Variants in SIRPA observed in about 807,000 individuals in gnomAD.
SIRPA encodes tyrosine-protein phosphatase non-receptor type substrate 1.
Under a neutral mutation model 50.3 loss-of-function variants are expected in SIRPA, and 9 were observed. The ratio of observed to expected loss-of-function variants is 0.18; its 90% CI spans 0.11 to 0.31. The LOEUF is 0.31. Among genes scored for constraint, SIRPA ranks in the 10% least tolerant of loss-of-function variants. The pLI is 1.00. For missense variants in SIRPA, 474 were observed against 661.6 expected, an observed-to-expected ratio of 0.72 and a Z score of 3.11; for synonymous variants, 265 against 284.1, an observed-to-expected ratio of 0.93 and a Z score of 0.68.
chr20:1,914,822 G>GAA (rs200142591), intron 1 of SIRPA, among the ~76,000 whole-genome samples: 61,767 of 151,498 alleles, frequency 0.41, 12,876 homozygotes, highest in East Asian at 0.66. Context: ...ATTAGAATTA[G>GAA]CCCAGCTCAG....
Position 1,937,499 on chromosome 20 carries a change from C to T in SIRPA, c.1446C>T (p.Pro482=). The T allele has an allele frequency of 6.2e-7, 1 of 1,614,122 alleles. No individual in the cohort carries two copies. Among genetic ancestry groups the T allele is most frequent in the Non-Finnish European group, 8.5e-7 (1 of 1,180,024 alleles). ...DLDMVHLNRT[P]KQPAPKPEPS... is the part of the protein sequence containing the mutation. ...ACATGGTCCACCTCAACCGGACCCC[C>T]AAGCAGCCGGCCCCCAAGCCTGAGC... The change falls in exon 8 of 8, where the codon CCC becomes CCT. Residue 482 remains proline (P), a synonymous_variant. Transcript: ENST00000358771. This position sits in a 1 kb window ranked among gnomAD's most constrained non-coding sequence, Gnocchi z 8.3.
chr20:1,921,907 A>G (rs1985684018), intron 3 of SIRPA, among the ~76,000 whole-genome samples, 195 bp downstream of exon 3: 1 of 152,026 alleles, frequency 6.6e-6, no homozygotes, highest in Non-Finnish European at 1.5e-5. Flanking sequence ...GGGTGACCAC[A>G]CCACCCACCA....
At chr20:1,930,012 T>C (rs978451409) in intron 6 of SIRPA, among the ~76,000 whole-genome samples, 1 of 151,656 alleles carries the variant, frequency 6.6e-6, no homozygotes. Context: ...CAGTCTGCCC[T>C]CCTCCCCCTT....
In SIRPA at chr20:1,936,708, C is replaced by T. The variant is rs1368304928; in HGVS notation, c.1267-612C>T. Among the ~76,000 whole-genome samples, 1 of 152,150 alleles carries T rather than the reference C, an allele frequency of 6.6e-6. No individual in the cohort carries two copies. The highest frequency in any genetic ancestry group is 1.5e-5 in the Non-Finnish European group (1 of 68,024). On this transcript the variant is annotated intron_variant, in intron 7 of 7. Coordinates refer to ENST00000358771, the MANE Select transcript of SIRPA (RefSeq NM_001040023.2). This position sits in a 1 kb window ranked among gnomAD's most constrained non-coding sequence, Gnocchi z 4.2. ...CTTGGTTTCTGAATCATAACAAATGCCCAGTGAATATTTGTGGAATAAACG... is the reference window on the plus strand; with the variant it reads ...CTTGGTTTCTGAATCATAACAAATGTCCAGTGAATATTTGTGGAATAAACG...
intron 1 of SIRPA, among the ~76,000 whole-genome samples, chr20:1,906,378 G>A (rs942242254): frequency 2.6e-5 from 4 of 152,198 alleles, no homozygotes; most frequent in Admixed American, 2.0e-4. Flanking sequence ...AAGGAAATGC[G>A]TAGCTTTTTG....
chr20:1,907,337 C>A (rs1230003524), intron 1 of SIRPA, among the ~76,000 whole-genome samples: 1 of 152,216 alleles, frequency 6.6e-6, no homozygotes, highest in Non-Finnish European at 1.5e-5. Flanking sequence ...CCAGTGGTGC[C>A]GGCAGAATGT....
At chr20:1,895,265 G>C (rs1983711346), upstream of SIRPA, 1 of 429,296 alleles carries the variant, frequency 2.3e-6, no homozygotes, top group African/African-American at 2.1e-5. Context: ...GGGGCGGGGA[G>C]GGGGGGTCTC....
intron 1 of SIRPA, among the ~76,000 whole-genome samples, chr20:1,911,772 C>T (rs750282328): frequency 3.9e-5 from 6 of 152,112 alleles, no homozygotes; most frequent in African/African-American, 7.2e-5. Flanking sequence ...GCCCAGCCGC[C>T]CTCCTCTCCC....
rs1986064059 is a variant in SIRPA, at chr20:1,927,718, C to T, written c.1202-157C>T. Among the ~76,000 whole-genome samples, 3 of 152,178 alleles carry T rather than the reference C, an allele frequency of 2.0e-5. No homozygotes were observed. Among genetic ancestry groups the T allele is most frequent in the Admixed American group, 1.3e-4 (2 of 15,272 alleles). ...AGGCTTCCTTGGTGGAAGAGGATGC[C>T]CACTGGGTGGGCATGGGGGTCTCCT... On this transcript the variant is annotated intron_variant, in intron 5 of 7. Transcript: ENST00000358771. The surrounding 1 kb of genome is among the most constrained non-coding windows in gnomAD (Gnocchi z 6.5).
chr20:1,902,026 C>T (rs1471928138), intron 1 of SIRPA, among the ~76,000 whole-genome samples: 2 of 152,206 alleles, frequency 1.3e-5, no homozygotes, highest in African/African-American at 4.8e-5. Context: ...TCGGCACAGG[C>T]TGAGCCTTGA....
chr20:1,894,453 G>GGACCCGGCCTCTGGGCA (rs1983633861), upstream of SIRPA: 1 of 152,198 alleles, frequency 6.6e-6, no homozygotes, highest in East Asian at 1.9e-4. This position sits in a 1 kb window ranked among gnomAD's most constrained non-coding sequence, Gnocchi z 4.0. Flanking sequence ...AGTGGAGCGG[G>GGACCCGGCCTCTGGGCA]GACCCGGCCT....
Position 1,906,778 on chromosome 20 carries a change from C to T in SIRPA, c.80-8321C>T, listed in dbSNP as rs553187600. On this transcript the variant is annotated intron_variant, in intron 1 of 7. Transcript: ENST00000358771. ...AGAGGTGAGGCAGAGGCAGGGAGGTCAGCGTGGAGGTTCAGTCAGGGTGGT... is the reference window on the plus strand; with the variant it reads ...AGAGGTGAGGCAGAGGCAGGGAGGTTAGCGTGGAGGTTCAGTCAGGGTGGT... 3.9e-5 allele frequency among the ~76,000 whole-genome samples: 6 copies of T among 152,160 alleles called. No individual in the cohort carries two copies. In the East Asian group the frequency reaches 9.7e-4, roughly 25 times the overall value.
Position 1,921,611 on chromosome 20 carries a change from C to A in SIRPA, c.653C>A (p.Thr218Asn). 6.2e-7 allele frequency: 1 copy of A among 1,614,196 alleles called. No individual in the cohort carries two copies. Among genetic ancestry groups the A allele is most frequent in the Non-Finnish European group, 8.5e-7 (1 of 1,180,044 alleles). Residue 218 changes from threonine (T) to asparagine (N), a missense_variant, in exon 3 of 8, where the codon ACC (threonine) becomes AAC (asparagine). By Grantham distance (65) the Thr-to-Asn change is moderately conservative (BLOSUM62 0). Transcript: ENST00000358771. ...CACAGCACAGCCAAGGTGGTGCTGA[C>A]CCGCGAGGACGTTCACTCTCAAGTC... is the stretch of plus-strand genomic sequence containing the variant. ...SIHSTAKVVL[T>N]REDVHSQVIC... is the part of the protein sequence containing the mutation.
rs769348965 is a variant in SIRPA, at chr20:1,927,945, T to C, written c.1226+46T>C. The C allele has an allele frequency of 6.5e-7, 1 of 1,535,088 alleles. No individual in the cohort carries two copies. The highest frequency in any genetic ancestry group is 9.0e-7 in the Non-Finnish European group (1 of 1,107,902). On this transcript the variant is annotated intron_variant, in intron 6 of 7. Coordinates refer to ENST00000358771, the MANE Select transcript of SIRPA (RefSeq NM_001040023.2). This position sits in a 1 kb window ranked among gnomAD's most constrained non-coding sequence, Gnocchi z 6.5. ...GACCCTCTTGCAGTTATTATTTGGT[T>C]ATTTGACAGCCCCCCAGACTACAAA...
At chr20:1,895,594 C>T (rs1036420696) in intron 1 of SIRPA, 68 bp downstream of exon 1, 38 of 1,204,488 alleles carry the variant, frequency 3.2e-5, no homozygotes, top group South Asian at 6.0e-5. Flanking sequence ...CAGACTGGCA[C>T]TGGGACCCCT....
rs1986757931 is a variant in SIRPA, at chr20:1,939,200, T to TAA, written c.*1632_*1633insAA. 6.6e-6 allele frequency: 1 copy of TAA among 152,096 alleles called. No individual in the cohort carries two copies. Among genetic ancestry groups the TAA allele is most frequent in the Non-Finnish European group, 1.5e-5 (1 of 68,024 alleles). 9.4% of individuals were successfully genotyped at this position (152,096 alleles called of 1,614,324 possible). The stretch of plus-strand genomic sequence containing the variant: ...TCAGTCTTCACTATAACTCTTAGAG[T>TAA]TGAGACGCTAATGTTCATGACTCCT... On this transcript the variant is annotated 3_prime_UTR_variant, in exon 8 of 8. Coordinates refer to ENST00000358771, the MANE Select transcript of SIRPA (RefSeq NM_001040023.2). The surrounding 1 kb of genome is among the most constrained non-coding windows in gnomAD (Gnocchi z 4.7).
rs1412441327 is a variant in SIRPA at position 1,927,018 on chromosome 20, T to C, written c.1202-857T>C. On this transcript the variant is annotated intron_variant, in intron 5 of 7. Transcript: ENST00000358771. This position sits in a 1 kb window ranked among gnomAD's most constrained non-coding sequence, Gnocchi z 6.5. ...CAGAGATGACTTGTGTCCAGCACTT[T>C]GCAACCTGTCAGCCTCCACTCAGAC... 6.6e-6 allele frequency among the ~76,000 whole-genome samples: 1 copy of C among 152,238 alleles called. No homozygotes were observed. Among genetic ancestry groups the C allele is most frequent in the African/African-American group, 2.4e-5 (1 of 41,456 alleles).
At chr20:1,914,547 C>T (rs75979966) in intron 1 of SIRPA, among the ~76,000 whole-genome samples, 60,847 of 150,184 alleles carry the variant, frequency 0.41, 12,687 homozygotes, top group East Asian at 0.66. Context: ...CACACTGGCA[C>T]GAGTCTACAT....
At chr20:1,897,744 G>T (rs1983917669) in intron 1 of SIRPA, among the ~76,000 whole-genome samples, 1 of 151,862 alleles carries the variant, frequency 6.6e-6, no homozygotes, top group Admixed American at 6.6e-5. Context: ...GTTTTGGGGG[G>T]GTGGGGCCAA....
Sources: allele counts gnomAD v4.1 joint callset (sites outside exome capture counted in the v4.1 genomes callset), GRCh38; gene constraint gnomAD v4.1.1; non-coding constraint Gnocchi (gnomAD v3.1); transcripts MANE v1.5; gene names NCBI Gene and HGNC (gene_info 2026-07-23, HGNC 2026-07-21).